The following PDE4D variants were observed in gnomAD, a reference collection of about 807,000 sequenced individuals.
The protein encoded by PDE4D is phosphodiesterase 4D, also known as 3',5'-cyclic-AMP phosphodiesterase 4D.
Under a neutral mutation model 87.4 loss-of-function variants are expected in PDE4D, and 24 were observed. That is an observed-to-expected ratio of 0.27 (90% CI 0.20 to 0.39). The LOEUF (loss-of-function observed/expected upper bound fraction) is 0.39, where lower values mean the gene tolerates loss of function less well. Among genes scored for constraint, PDE4D ranks in the 10% least tolerant of loss-of-function variants. The pLI is 1.00. For missense variants in PDE4D, 714 were observed against 1,041.0 expected, an observed-to-expected ratio of 0.69 and a Z score of 4.32; for synonymous variants, 384 against 383.2, an observed-to-expected ratio of 1.00 and a Z score of -0.02.
chr5:59,789,363 TG>T (rs1765526100), intron 1 of PDE4D, among the ~76,000 whole-genome samples: 1 of 152,228 alleles, frequency 6.6e-6, no homozygotes, highest in Non-Finnish European at 1.5e-5. Flanking sequence ...AAAGGCAATA[TG>T]CGTTATGTCA....
At chr5:59,474,799 T>G (rs560026895) in intron 1 of PDE4D, among the ~76,000 whole-genome samples, 1 of 152,252 alleles carries the variant, frequency 6.6e-6, no homozygotes, top group Admixed American at 6.6e-5. Flanking sequence ...TATTAATAAC[T>G]GAAGTCATAA....
At chr5:59,692,446 A>C (rs1302501789) in intron 1 of PDE4D, among the ~76,000 whole-genome samples, 1 of 152,156 alleles carries the variant, frequency 6.6e-6, no homozygotes, top group African/African-American at 2.4e-5. Flanking sequence ...TAAAATCTTC[A>C]TCTTTTTCCA....
At chr5:59,610,732 T>A (rs1439697812) in intron 1 of PDE4D, among the ~76,000 whole-genome samples, 1 of 152,050 alleles carries the variant, frequency 6.6e-6, no homozygotes, top group Admixed American at 6.6e-5. Context: ...TACACCTCAA[T>A]GAAACAATAA....
chr5:59,200,094 G>C (rs991122728), intron 2 of PDE4D, among the ~76,000 whole-genome samples: 2 of 143,892 alleles, frequency 1.4e-5, no homozygotes, highest in Non-Finnish European at 3.0e-5. Context: ...CATGTATGTA[G>C]ACATACATGT....
chr5:59,215,913 T>G lies in PDE4D; in HGVS notation c.511A>C (p.Ser171Arg). ...AGRSPLDPMTSPGSGLILQAN... is the reference protein window; with the variant it reads ...AGRSPLDPMTRPGSGLILQAN... ...TGGAGAATTAGCCCGGATCCTGGGC[T>G]GGTCATGGGATCCAAGGGACTCCGT... The change falls in exon 2 of 15, where the codon AGC (serine) becomes CGC (arginine). Residue 171 changes from serine (S) to arginine (R), a missense_variant. By Grantham distance (110) the Ser-to-Arg change is moderately radical. Transcript: ENST00000340635. The G allele has an allele frequency of 6.2e-7, 1 of 1,613,422 alleles. No homozygotes were observed. The highest frequency in any genetic ancestry group is 8.5e-7 in the Non-Finnish European group (1 of 1,179,514).
intron 1 of PDE4D, among the ~76,000 whole-genome samples, chr5:59,278,076 C>T (rs902963020): frequency 1.3e-5 from 2 of 151,836 alleles, no homozygotes; most frequent in African/African-American, 4.8e-5. Flanking sequence ...TGTTGTAAGA[C>T]CATTGAGATT....
intron 3 of PDE4D, among the ~76,000 whole-genome samples, chr5:59,967,977 T>C (rs1007333262): frequency 0.036 from 456 of 12,662 alleles, 3 homozygotes; most frequent in Non-Finnish European, 0.061. Flanking sequence ...GCCATATGCT[T>C]TTTTTTTTTT....
At chr5:59,021,926 C>G (rs1244126775) in intron 6 of PDE4D, among the ~76,000 whole-genome samples, 3 of 152,162 alleles carry the variant, frequency 2.0e-5, no homozygotes, top group African/African-American at 7.2e-5. Flanking sequence ...CAGAGCCCAT[C>G]AACCACCTTT....
At chr5:59,703,357 T>C (rs904659022) in intron 1 of PDE4D, among the ~76,000 whole-genome samples, 1 of 152,194 alleles carries the variant, frequency 6.6e-6, no homozygotes, top group African/African-American at 2.4e-5. Flanking sequence ...CTTTTTATTA[T>C]TCATATCCTT....
At position 59,890,391 on chromosome 5, in the gene PDE4D, T is replaced by C. The variant is rs555046821; in HGVS notation, c.455+2777A>G. Among the ~76,000 whole-genome samples, 3 of 152,334 alleles carry C rather than the reference T, an allele frequency of 2.0e-5. No individual in the cohort carries two copies. In the South Asian group the frequency reaches 6.2e-4, roughly 32 times the overall value. On this transcript the variant is annotated intron_variant, in intron 1 of 14. Transcript: ENST00000340635. ...GAACACTCTTTCATAAGTATTTATA[T>C]GCATTTTACAAAGTCAACAAATACA...
At chr5:60,310,636 C>A (rs1036064852) in intron 1 of PDE4D, among the ~76,000 whole-genome samples, 1 of 152,124 alleles carries the variant, frequency 6.6e-6, no homozygotes, top group East Asian at 1.9e-4. Flanking sequence ...TAACAGATAC[C>A]GACATTATAA....
chr5:59,622,981 C>T lies in PDE4D; in HGVS notation c.455+270187G>A, dbSNP rs1366907780. Among the ~76,000 whole-genome samples, 3 of 152,212 alleles carry T rather than the reference C, an allele frequency of 2.0e-5. No homozygotes were observed. In the South Asian group the frequency reaches 6.2e-4, roughly 32 times the overall value. Reference sequence around the variant, plus strand: ...AACCCTTCCTTTGGCCTTGCTCTTACCATATTTCATTGATATTATGATGAC... The same window carrying T: ...AACCCTTCCTTTGGCCTTGCTCTTATCATATTTCATTGATATTATGATGAC... On this transcript the variant is annotated intron_variant, in intron 1 of 14. Coordinates refer to ENST00000340635, the MANE Select transcript of PDE4D (RefSeq NM_001104631.2).
intron 1 of PDE4D, among the ~76,000 whole-genome samples, chr5:59,321,130 G>A (rs1285118801): frequency 6.6e-6 from 1 of 151,904 alleles, no homozygotes; most frequent in Non-Finnish European, 1.5e-5. Flanking sequence ...TCTGTTTATT[G>A]TGCTTCTATT....
chr5:59,203,000 A>T (rs1300171224), intron 2 of PDE4D, among the ~76,000 whole-genome samples: 1 of 152,218 alleles, frequency 6.6e-6, no homozygotes, highest in Non-Finnish European at 1.5e-5. Flanking sequence ...TCAATGGCAA[A>T]AAAACAAATA....
chr5:59,325,368 GA>G (rs1401172842), intron 1 of PDE4D, among the ~76,000 whole-genome samples: 1 of 152,184 alleles, frequency 6.6e-6, no homozygotes, highest in Non-Finnish European at 1.5e-5. Context: ...TGCTTCTGCA[GA>G]ATATCTTGTT....
chr5:60,063,438 G>C (rs377701463), intron 2 of PDE4D, among the ~76,000 whole-genome samples: 1 of 152,100 alleles, frequency 6.6e-6, no homozygotes, highest in Non-Finnish European at 1.5e-5. Flanking sequence ...GCTTTGCAAA[G>C]ATTATAACAA....
chr5:59,880,019 G>A (rs545492181), intron 1 of PDE4D, among the ~76,000 whole-genome samples: 1 of 152,298 alleles, frequency 6.6e-6, no homozygotes, highest in South Asian at 2.1e-4. Flanking sequence ...CATTGCAAGC[G>A]TGAGCCACTG....
At position 59,121,207 on chromosome 5, in the gene PDE4D, T is replaced by C. The variant is rs80028955; in HGVS notation, c.808+59388A>G. Among the ~76,000 whole-genome samples the C allele has an allele frequency of 1.2e-4, 18 of 152,306 alleles. No individual in the cohort carries two copies. The East Asian group carries it at 3.3e-3, about 28-fold the overall frequency. On this transcript the variant is annotated intron_variant, in intron 5 of 14. Coordinates refer to ENST00000340635, the MANE Select transcript of PDE4D (RefSeq NM_001104631.2). ...CCAAAAATAGATAAATGGGGCTGTA[T>C]TGAACTAAAAATTTCTGTATAGCAC... is the stretch of plus-strand genomic sequence containing the variant.
At chr5:60,034,761 G>A (rs1262037862) in intron 2 of PDE4D, among the ~76,000 whole-genome samples, 1 of 152,140 alleles carries the variant, frequency 6.6e-6, no homozygotes, top group African/African-American at 2.4e-5. Context: ...TACTTTACCT[G>A]CATTATATAG....
Sources: allele counts gnomAD v4.1 joint callset (sites outside exome capture counted in the v4.1 genomes callset), GRCh38; gene constraint gnomAD v4.1.1; transcripts MANE v1.5; gene names NCBI Gene and HGNC (gene_info 2026-07-23, HGNC 2026-07-21).